GPC5: variants seen among roughly 807,000 people sequenced by gnomAD.
GPC5 encodes the protein glypican-5.
GPC5 carries 47 observed loss-of-function variants against 53.9 expected under a neutral mutation model. That is an observed-to-expected ratio of 0.87 (90% CI 0.69 to 1.11). The LOEUF (loss-of-function observed/expected upper bound fraction) is 1.11, where lower values mean the gene tolerates loss of function less well. Ranked by LOEUF, GPC5 falls within the 50% of genes most tolerant of loss-of-function variation. GPC5 has a pLI of 0.00. For synonymous variants in GPC5, 286 were observed against 263.3 expected (o/e 1.09, Z -0.84); for missense variants, 748 against 713.1 (o/e 1.05, Z -0.56).
chr13:91,638,806 A>T (rs140533607), intron 2 of GPC5, among the ~76,000 whole-genome samples: 40 of 152,354 alleles, frequency 2.6e-4, no homozygotes, highest in African/African-American at 8.9e-4. Context: ...CCCGTTAGCT[A>T]ACGTATTATA....
intron 7 of GPC5, among the ~76,000 whole-genome samples, chr13:92,614,844 T>C (rs1034042877): frequency 2.0e-5 from 3 of 152,212 alleles, no homozygotes; most frequent in African/African-American, 7.2e-5. Flanking sequence ...AATCTTGACC[T>C]ATTCAAAAAG....
intron 2 of GPC5, among the ~76,000 whole-genome samples, chr13:91,672,466 C>T (rs1275796027): frequency 2.0e-5 from 3 of 152,096 alleles, no homozygotes; most frequent in Non-Finnish European, 4.4e-5. Flanking sequence ...TTTACACGGT[C>T]AACAAACATA....
At chr13:91,879,842 G>T (rs762668538) in intron 5 of GPC5, among the ~76,000 whole-genome samples, 8 of 151,998 alleles carry the variant, frequency 5.3e-5, no homozygotes, top group Non-Finnish European at 1.2e-4. Context: ...CCAAATCATT[G>T]GGGTGGCTGA....
intron 6 of GPC5, among the ~76,000 whole-genome samples, chr13:92,093,496 G>A (rs979315642): frequency 1.3e-5 from 2 of 151,952 alleles, no homozygotes; most frequent in African/African-American, 4.8e-5. Context: ...CAAATGTGTT[G>A]GATTTTCTTT....
chr13:91,546,519 A>AT (rs2030297307), intron 2 of GPC5, among the ~76,000 whole-genome samples: 1 of 152,094 alleles, frequency 6.6e-6, no homozygotes, highest in Non-Finnish European at 1.5e-5. Context: ...TTTTTAATCA[A>AT]TTTTTTAAAA....
intron 2 of GPC5, among the ~76,000 whole-genome samples, chr13:91,677,441 A>G (rs960789412): frequency 2.0e-5 from 3 of 152,196 alleles, no homozygotes; most frequent in South Asian, 2.1e-4. Context: ...TAAATTAGAT[A>G]TACAATTGGG....
chr13:92,590,239 T>C (rs1883671648), intron 7 of GPC5, among the ~76,000 whole-genome samples: 1 of 151,968 alleles, frequency 6.6e-6, no homozygotes, highest in African/African-American at 2.4e-5. Context: ...GCTAGGGGCA[T>C]GCATGAGGGC....
intron 5 of GPC5, among the ~76,000 whole-genome samples, chr13:91,866,741 C>T (rs2039089009): frequency 1.3e-5 from 2 of 152,184 alleles, no homozygotes; most frequent in South Asian, 4.1e-4. Flanking sequence ...TCAGTTTTGA[C>T]ATTATGAACC....
intron 2 of GPC5, among the ~76,000 whole-genome samples, chr13:91,678,015 T>C (rs779192947): frequency 6.6e-6 from 1 of 152,210 alleles, no homozygotes; most frequent in Non-Finnish European, 1.5e-5. Context: ...CCATTTTAGT[T>C]ATCAGAAAGA....
chr13:92,284,270 T>A (rs1361298094), intron 7 of GPC5, among the ~76,000 whole-genome samples: 1 of 151,932 alleles, frequency 6.6e-6, no homozygotes, highest in African/African-American at 2.4e-5. Flanking sequence ...CAAAAAAAAG[T>A]CCAGGACCAG....
At chr13:92,353,823 C>T (rs2043500561) in intron 7 of GPC5, among the ~76,000 whole-genome samples, 1 of 152,090 alleles carries the variant, frequency 6.6e-6, no homozygotes, top group African/African-American at 2.4e-5. Flanking sequence ...ATTCTCTATT[C>T]TATTCCAAAA....
At chr13:91,540,070 A>G (rs954624015) in intron 2 of GPC5, among the ~76,000 whole-genome samples, 1 of 152,250 alleles carries the variant, frequency 6.6e-6, no homozygotes, top group Non-Finnish European at 1.5e-5. Flanking sequence ...ATCAGGCTGT[A>G]TAACAGAAAC....
chr13:91,933,853 G>T (rs1019124968), intron 6 of GPC5, among the ~76,000 whole-genome samples: 1 of 151,898 alleles, frequency 6.6e-6, no homozygotes, highest in Non-Finnish European at 1.5e-5. Flanking sequence ...ATGTCTTGCT[G>T]AATACATGTT....
At chr13:91,702,759 A>T (rs1019637747) in intron 3 of GPC5, among the ~76,000 whole-genome samples, 4 of 152,076 alleles carry the variant, frequency 2.6e-5, no homozygotes, top group Admixed American at 1.3e-4. Context: ...TAACTCTTCT[A>T]ATTCAAGAAC....
At chr13:91,760,123 A>G (rs1047587491) in intron 5 of GPC5, among the ~76,000 whole-genome samples, 2 of 152,140 alleles carry the variant, frequency 1.3e-5, no homozygotes, top group African/African-American at 4.8e-5. Flanking sequence ...AATTCTCAAA[A>G]AAAAGTAAAA....
intron 7 of GPC5, among the ~76,000 whole-genome samples, chr13:92,678,525 A>G (rs61974467): frequency 0.22 from 33,607 of 152,154 alleles, 4,382 homozygotes; most frequent in South Asian, 0.36. Context: ...CAGCAAATGC[A>G]AAGACCAGAG....
chr13:92,368,275 A>G (rs947264820), intron 7 of GPC5, among the ~76,000 whole-genome samples: 8 of 149,280 alleles, frequency 5.4e-5, no homozygotes, highest in African/African-American at 2.0e-4. Flanking sequence ...GTGAGCCACC[A>G]CTCCCAGCCC....
rs140706212 is a variant in GPC5, at chr13:92,137,506, A to G, written c.1402-7324A>G. Among the ~76,000 whole-genome samples the G allele has an allele frequency of 2.4e-3, 369 of 152,334 alleles. 1 individual carries two copies. Among genetic ancestry groups the G allele is most frequent in the Middle Eastern group, 0.01 (3 of 294 alleles). On this transcript the variant is annotated intron_variant, in intron 6 of 7. Coordinates refer to ENST00000377067, the MANE Select transcript of GPC5 (RefSeq NM_004466.6). ...GCTCCTACTGGTTATAACGATCTTA[A>G]TGATAAAGTTAACTAACCATAACTG...
At chr13:92,507,607 C>A (rs779909472) in intron 7 of GPC5, among the ~76,000 whole-genome samples, 1 of 152,144 alleles carries the variant, frequency 6.6e-6, no homozygotes, top group African/African-American at 2.4e-5. Context: ...CTACCTATAA[C>A]ATCTCTGCTC....
Sources: gnomAD v4.1 joint callset for allele counts (sites outside exome capture counted in the v4.1 genomes callset) on GRCh38, gnomAD v4.1.1 for gene constraint, MANE v1.5 for transcripts, NCBI Gene and HGNC (gene_info 2026-07-23, HGNC 2026-07-21) for gene names.